Variants in STARD13 observed in about 807,000 individuals in gnomAD.
STARD13 encodes the protein StAR related lipid transfer domain containing 13.
A neutral mutation model predicts 106.4 loss-of-function variants in STARD13; 62 were observed. The observed-to-expected ratio is 0.58, with a 90% CI of 0.48 to 0.72. The LOEUF is 0.72. STARD13 is among the 30% of genes least tolerant of loss of function. The pLI, the probability that STARD13 is intolerant of heterozygous loss-of-function variation, is 0.00. For missense variants in STARD13, 1,387 were observed against 1,424.0 expected (o/e 0.97, Z 0.42); for synonymous variants, 565 against 553.0 (o/e 1.02, Z -0.31).
At position 33,112,867 on chromosome 13, in the gene STARD13, G is replaced by C; in HGVS notation, c.2346C>G (p.Asn782Lys). 1 of 1,613,994 alleles carries C rather than the reference G, an allele frequency of 6.2e-7. No individual in the cohort carries two copies. The highest frequency in any genetic ancestry group is 1.1e-5 in the South Asian group (1 of 91,008). The stretch of plus-strand genomic sequence containing the variant: ...ACAAGAGCGTCTGCAGGACCTCCCT[G>C]TTCTCATCGGCCAGTAGCAGGATGG... Reference protein sequence around the residue: ...QAAILLLADENREVLQTLLCF... With the variant: ...QAAILLLADEKREVLQTLLCF... Residue 782 changes from asparagine (N) to lysine (K), a missense_variant, in exon 9 of 14, where the codon AAC (asparagine) becomes AAG (lysine). Asn to Lys is a moderately conservative substitution (Grantham distance 94). Transcript: ENST00000336934.
At chr13:33,303,283 C>T (rs554251636) in intron 1 of STARD13, among the ~76,000 whole-genome samples, 27 of 152,292 alleles carry the variant, frequency 1.8e-4, no homozygotes, top group East Asian at 3.9e-4. Context: ...CAATATCCCA[C>T]GCACATCTTT....
chr13:33,669,500 C>CACTA, the STARD13 span, among the ~76,000 whole-genome samples: 1 of 150,764 alleles, frequency 6.6e-6, no homozygotes, highest in Non-Finnish European at 1.5e-5. Context: ...TACCCATGCT[C>CACTA]ACTAACTGCT....
chr13:33,151,445 A>T (rs1016716424), intron 3 of STARD13, among the ~76,000 whole-genome samples: 1 of 152,150 alleles, frequency 6.6e-6, no homozygotes, highest in African/African-American at 2.4e-5. Flanking sequence ...AAATAACTAG[A>T]TCTCACGTGA....
chr13:33,517,392 A>C, the STARD13 span, among the ~76,000 whole-genome samples: 1 of 152,180 alleles, frequency 6.6e-6, no homozygotes, highest in Non-Finnish European at 1.5e-5. Context: ...TCCTGAAGTT[A>C]TTCCATTAGA....
chr13:33,569,000 G>A, the STARD13 span, among the ~76,000 whole-genome samples: 77 of 147,830 alleles, frequency 5.2e-4, 12 homozygotes, highest in Admixed American at 5.2e-3. Flanking sequence ...GACAGTACAG[G>A]AGAAGACTCA....
intron 1 of STARD13, among the ~76,000 whole-genome samples, chr13:33,228,193 C>T (rs1325547063): frequency 6.6e-6 from 1 of 152,150 alleles, no homozygotes; most frequent in Non-Finnish European, 1.5e-5. Context: ...TGGAAAATCA[C>T]TGAAGGCTGG....
At chr13:33,643,236 G>C in the STARD13 span, among the ~76,000 whole-genome samples, 19 of 151,612 alleles carry the variant, frequency 1.3e-4, no homozygotes, top group Non-Finnish European at 1.0e-4. Context: ...GAGCTTGACT[G>C]TCTTCTCTGG....
chr13:33,235,621 C>T (rs1476953063), intron 1 of STARD13, among the ~76,000 whole-genome samples: 1 of 152,188 alleles, frequency 6.6e-6, no homozygotes, highest in African/African-American at 2.4e-5. Context: ...AACAGAGTTA[C>T]CAGAAAAGTC....
the STARD13 span, chr13:33,439,822 T>A: frequency 5.6e-5 from 29 of 518,070 alleles, no homozygotes; most frequent in African/African-American, 5.5e-4. Context: ...AAAATTAGAA[T>A]CAAATGGCCT....
At chr13:33,666,888 G>A in the STARD13 span, among the ~76,000 whole-genome samples, 1 of 152,176 alleles carries the variant, frequency 6.6e-6, no homozygotes, top group Non-Finnish European at 1.5e-5. Flanking sequence ...CCCAAACCCA[G>A]CCTAAAATGT....
chr13:33,587,859 G>C, the STARD13 span, among the ~76,000 whole-genome samples: 1 of 152,112 alleles, frequency 6.6e-6, no homozygotes, highest in Admixed American at 6.5e-5. Flanking sequence ...AGTCTAAAAA[G>C]AAGTGTATAA....
chr13:33,156,537 A>G (rs1882008983), intron 3 of STARD13, among the ~76,000 whole-genome samples: 3 of 152,156 alleles, frequency 2.0e-5, no homozygotes, highest in Non-Finnish European at 2.9e-5. Flanking sequence ...TAAAAGTTCA[A>G]ACAAGCCCAT....
chr13:33,356,482 T>C, the STARD13 span, among the ~76,000 whole-genome samples: 1 of 152,158 alleles, frequency 6.6e-6, no homozygotes, highest in Non-Finnish European at 1.5e-5. Flanking sequence ...GCTGATGGCA[T>C]AGACAGAGGA....
chr13:33,292,176 G>A (rs1430111817), intron 1 of STARD13, among the ~76,000 whole-genome samples: 1 of 152,120 alleles, frequency 6.6e-6, no homozygotes, highest in Admixed American at 6.6e-5. Context: ...TGCTGGAAGT[G>A]GGTGAGAATG....
At chr13:33,118,319 G>A (rs1875719732) in intron 7 of STARD13, 56 bp from the exon 8 acceptor site, 1 of 1,486,938 alleles carries the variant, frequency 6.7e-7, no homozygotes, top group Non-Finnish European at 9.4e-7. Flanking sequence ...GTGAGGAGGA[G>A]GAGGAAGCAT....
chr13:33,125,102 A>T (rs986962180), intron 7 of STARD13, among the ~76,000 whole-genome samples: 1 of 152,208 alleles, frequency 6.6e-6, no homozygotes, highest in Admixed American at 6.5e-5. Context: ...TCACCAAGAG[A>T]CCAGCCTGAT....
chr13:33,629,206 A>G, the STARD13 span, among the ~76,000 whole-genome samples: 1 of 152,250 alleles, frequency 6.6e-6, no homozygotes, highest in African/African-American at 2.4e-5. Context: ...TATTACATTT[A>G]GAAGTCCTGA....
intron 1 of STARD13, among the ~76,000 whole-genome samples, chr13:33,305,737 C>A (rs1172548898): frequency 6.6e-6 from 1 of 152,176 alleles, no homozygotes; most frequent in Non-Finnish European, 1.5e-5. Flanking sequence ...CCATCTGCAT[C>A]TTGGAGGTAG....
In STARD13 at chr13:33,130,324, C is replaced by G. The variant is rs903265771; in HGVS notation, c.388-35G>C. 4 of 1,578,890 alleles carry G rather than the reference C, an allele frequency of 2.5e-6. No homozygotes were observed. The highest frequency in any genetic ancestry group is 4.5e-5 in the East Asian group (2 of 44,702). Reference sequence around the variant, plus strand: ...ACCAAGGAAAATGCTCATTAGCAGACAGCGTGGCTGAAGCAGGAACTCTGG... The same window carrying G: ...ACCAAGGAAAATGCTCATTAGCAGAGAGCGTGGCTGAAGCAGGAACTCTGG... On this transcript the variant is annotated intron_variant, in intron 4 of 13. Transcript: ENST00000336934. This position sits in a 1 kb window ranked among gnomAD's most constrained non-coding sequence, Gnocchi z 4.1.
Sources: allele counts gnomAD v4.1 joint callset (sites outside exome capture counted in the v4.1 genomes callset), GRCh38; gene constraint gnomAD v4.1.1; non-coding constraint Gnocchi (gnomAD v3.1); transcripts MANE v1.5; gene names NCBI Gene and HGNC (gene_info 2026-07-23, HGNC 2026-07-21).